GNA14: variants seen among roughly 807,000 people sequenced by gnomAD.
GNA14 encodes the protein G protein subunit alpha 14, also known as guanine nucleotide-binding protein subunit alpha-14.
A neutral mutation model predicts 42.0 loss-of-function variants in GNA14; 50 were observed. That is an observed-to-expected ratio of 1.19 (90% CI 0.95 to 1.51). The LOEUF (loss-of-function observed/expected upper bound fraction) is 1.51. Among genes scored for constraint, GNA14 ranks in the 40% most tolerant of loss-of-function variants. The pLI is 0.00. For missense variants in GNA14, 473 were observed against 446.2 expected (o/e 1.06, Z -0.54); for synonymous variants, 173 against 163.1 (o/e 1.06, Z -0.46).
intron 2 of GNA14, among the ~76,000 whole-genome samples, chr9:77,503,266 A>G (rs1448144176): frequency 1.3e-5 from 2 of 152,182 alleles, no homozygotes; most frequent in African/African-American, 4.8e-5. Flanking sequence ...TGGGTGATCA[A>G]CGGTGCCCAC....
chr9:77,600,322 T>C (rs1305703543), intron 1 of GNA14, among the ~76,000 whole-genome samples: 1 of 152,176 alleles, frequency 6.6e-6, no homozygotes, highest in East Asian at 1.9e-4. Flanking sequence ...ATTTTGACAA[T>C]AGAGTTCAAG....
At chr9:77,638,524 AG>A (rs1381035997) in intron 1 of GNA14, among the ~76,000 whole-genome samples, 1 of 152,234 alleles carries the variant, frequency 6.6e-6, no homozygotes, top group Admixed American at 6.5e-5. Flanking sequence ...AGAATGTTCC[AG>A]GCAGGAAAAA....
intron 3 of GNA14, among the ~76,000 whole-genome samples, chr9:77,433,905 C>G (rs143981013): frequency 6.6e-6 from 1 of 152,134 alleles, no homozygotes; most frequent in Non-Finnish European, 1.5e-5. Flanking sequence ...GTCCACGGCC[C>G]CGCTGCTCTA....
intron 1 of GNA14, among the ~76,000 whole-genome samples, chr9:77,604,882 G>C (rs2117927070): frequency 1.3e-5 from 2 of 152,294 alleles, no homozygotes; most frequent in Admixed American, 1.3e-4. Context: ...CAACATTCCA[G>C]TCCTCTGGTG....
intron 1 of GNA14, among the ~76,000 whole-genome samples, chr9:77,603,797 C>T (rs1208933231): frequency 6.6e-6 from 1 of 151,708 alleles, no homozygotes; most frequent in Non-Finnish European, 1.5e-5. Context: ...AACCCCGTCT[C>T]CACTAAAAAT....
At chr9:77,436,931 G>A (rs1016947074) in intron 2 of GNA14, among the ~76,000 whole-genome samples, 2 of 152,176 alleles carry the variant, frequency 1.3e-5, no homozygotes, top group Admixed American at 6.5e-5. Context: ...ACGGAAGCCC[G>A]TGCAGGTCAC....
In GNA14 at chr9:77,564,824, ATCTG is replaced by A. The variant is rs531984578; in HGVS notation, c.125-35575_125-35572del. 3.3e-3 allele frequency among the ~76,000 whole-genome samples: 417 copies of A among 125,672 alleles called. 1 individual carries two copies. The highest frequency in any genetic ancestry group is 0.011 in the African/African-American group (370 of 33,988). The allele number at this position is 125,672 out of a possible 152,430, so 82.4% of individuals were successfully genotyped here. On this transcript the variant is annotated intron_variant, in intron 1 of 6. Transcript: ENST00000341700. ...CTCCAGCCTGGGTGACGAAGCAAGA[ATCTG>A]TCTATTAAAAAAAAAAAAAGTTAAG...
chr9:77,428,689 G>A (rs1436266561), intron 5 of GNA14, among the ~76,000 whole-genome samples: 1 of 152,196 alleles, frequency 6.6e-6, no homozygotes, highest in Non-Finnish European at 1.5e-5. Flanking sequence ...TTGTTAAAAT[G>A]CAGATGCTGA....
intron 1 of GNA14, among the ~76,000 whole-genome samples, chr9:77,629,526 T>C (rs1454907629): frequency 6.6e-6 from 1 of 152,184 alleles, no homozygotes; most frequent in Non-Finnish European, 1.5e-5. Context: ...GTGGTACATA[T>C]ACACCATGGA....
intron 1 of GNA14, among the ~76,000 whole-genome samples, chr9:77,559,927 G>A (rs1822850553): frequency 1.3e-5 from 2 of 152,100 alleles, no homozygotes; most frequent in African/African-American, 4.8e-5. Context: ...GTATACCCTT[G>A]TTATGCGACA....
intron 2 of GNA14, among the ~76,000 whole-genome samples, chr9:77,473,812 T>C (rs1038945993): frequency 5.9e-5 from 9 of 152,258 alleles, no homozygotes; most frequent in Non-Finnish European, 1.0e-4. Flanking sequence ...GGCATAAGGA[T>C]AGACATTTAG....
chr9:77,619,105 CTTG>C (rs1460626695), intron 1 of GNA14, among the ~76,000 whole-genome samples: 10 of 152,246 alleles, frequency 6.6e-5, no homozygotes, highest in African/African-American at 2.2e-4. Flanking sequence ...GATTACATGA[CTTG>C]TTCAAAGTTC....
chr9:77,436,736 G>T (rs114379007), intron 2 of GNA14, among the ~76,000 whole-genome samples: 2,259 of 152,280 alleles, frequency 0.015, 24 homozygotes, highest in East Asian at 0.028. Context: ...TGTCATGAGG[G>T]CAGAACCAAT....
At chr9:77,626,349 A>G (rs1824012911) in intron 1 of GNA14, among the ~76,000 whole-genome samples, 1 of 152,172 alleles carries the variant, frequency 6.6e-6, no homozygotes. Context: ...ATTAACAAGG[A>G]TATTCAGGAC....
At chr9:77,429,932 C>CCA (rs141889919) in intron 4 of GNA14, among the ~76,000 whole-genome samples, 4,499 of 151,900 alleles carry the variant, frequency 0.03, 118 homozygotes, top group African/African-American at 0.07. Flanking sequence ...CACCACCCCA[C>CCA]CACACACACA....
At chr9:77,627,474 C>T (rs1292017148) in intron 1 of GNA14, among the ~76,000 whole-genome samples, 1 of 152,160 alleles carries the variant, frequency 6.6e-6, no homozygotes, top group Non-Finnish European at 1.5e-5. Context: ...ACCTGATGAA[C>T]ATCAATGCGA....
chr9:77,541,498 C>A (rs1231010409), intron 1 of GNA14, among the ~76,000 whole-genome samples: 2 of 152,114 alleles, frequency 1.3e-5, no homozygotes, highest in Non-Finnish European at 2.9e-5. Context: ...GACAGTTTGA[C>A]TATAATATGC....
At chr9:77,623,822 G>A (rs970344083) in intron 1 of GNA14, among the ~76,000 whole-genome samples, 3 of 152,206 alleles carry the variant, frequency 2.0e-5, no homozygotes, top group African/African-American at 7.2e-5. Context: ...CCATGGATTT[G>A]AAGCACAAAA....
intron 1 of GNA14, among the ~76,000 whole-genome samples, chr9:77,610,281 T>C (rs958624703): frequency 3.3e-5 from 5 of 152,326 alleles, no homozygotes; most frequent in African/African-American, 1.2e-4. Flanking sequence ...CTGGTCCTTT[T>C]GAGTTTCCTA....
Sources: gnomAD v4.1 joint callset for allele counts (sites outside exome capture counted in the v4.1 genomes callset) on GRCh38, gnomAD v4.1.1 for gene constraint, MANE v1.5 for transcripts, NCBI Gene and HGNC (gene_info 2026-07-23, HGNC 2026-07-21) for gene names.